The following KLF12 variants were observed in gnomAD, a reference collection of about 807,000 sequenced individuals.
KLF12 encodes Krueppel-like factor 12.
KLF12 carries 9 observed loss-of-function variants against 37.8 expected under a neutral mutation model. The observed-to-expected ratio is 0.24, with a 90% CI of 0.14 to 0.42. The LOEUF (loss-of-function observed/expected upper bound fraction) is 0.42. Among genes scored for constraint, KLF12 ranks in the 10% least tolerant of loss-of-function variants. The pLI is 1.00. For synonymous variants in KLF12, 208 were observed against 202.1 expected, an observed-to-expected ratio of 1.03 and a Z score of -0.25; for missense variants, 411 against 516.0, an observed-to-expected ratio of 0.80 and a Z score of 1.97.
chr13:73,698,161 AAAG>A (rs972855245), intron 7 of KLF12, among the ~76,000 whole-genome samples: 6 of 151,510 alleles, frequency 4.0e-5, no homozygotes, highest in Non-Finnish European at 7.4e-5. Context: ...CGAAAGAAAG[AAAG>A]AAAAGAGAGA....
chr13:74,213,573 T>C, the KLF12 span, among the ~76,000 whole-genome samples: 1 of 151,834 alleles, frequency 6.6e-6, no homozygotes, highest in Admixed American at 6.6e-5. Flanking sequence ...ACTTCCTCTT[T>C]CCCTCCTTTC....
At chr13:73,927,782 G>A (rs1889468272) in intron 3 of KLF12, among the ~76,000 whole-genome samples, 1 of 149,732 alleles carries the variant, frequency 6.7e-6, no homozygotes, top group South Asian at 2.1e-4. Context: ...TAAAGACAGG[G>A]TTTCACCGTT....
the KLF12 span, among the ~76,000 whole-genome samples, chr13:74,228,886 A>C: frequency 6.6e-6 from 1 of 151,958 alleles, no homozygotes; most frequent in Admixed American, 6.6e-5. Flanking sequence ...GAAAAAAAAA[A>C]CACACCAGAA....
chr13:74,220,391 A>C, the KLF12 span, among the ~76,000 whole-genome samples: 1 of 152,276 alleles, frequency 6.6e-6, no homozygotes, highest in East Asian at 1.9e-4. Flanking sequence ...TAAAGCAGTG[A>C]TTTTATTTAT....
intron 6 of KLF12, among the ~76,000 whole-genome samples, chr13:73,744,169 A>G (rs1878202818): frequency 6.6e-6 from 1 of 152,228 alleles, no homozygotes; most frequent in Admixed American, 6.5e-5. Context: ...ACAAATAAGA[A>G]TTCAAGTCTG....
At chr13:73,940,917 G>T (rs982671307) in intron 3 of KLF12, among the ~76,000 whole-genome samples, 3 of 152,174 alleles carry the variant, frequency 2.0e-5, no homozygotes, top group African/African-American at 7.2e-5. Flanking sequence ...GAGACATGCA[G>T]AGCCCACCTG....
chr13:74,105,756 T>C (rs989815229), intron 1 of KLF12, among the ~76,000 whole-genome samples: 1 of 152,124 alleles, frequency 6.6e-6, no homozygotes, highest in Non-Finnish European at 1.5e-5. Flanking sequence ...GTTCAAATAA[T>C]TCAACACTCA....
chr13:73,698,560 C>T (rs1162222119), intron 7 of KLF12, among the ~76,000 whole-genome samples: 1 of 152,130 alleles, frequency 6.6e-6, no homozygotes, highest in South Asian at 2.1e-4. Context: ...AAACTGCAGT[C>T]CCCACTTTTA....
intron 2 of KLF12, among the ~76,000 whole-genome samples, chr13:73,958,544 AT>A (rs895835458): frequency 7.6e-4 from 114 of 149,330 alleles, no homozygotes; most frequent in African/African-American, 2.1e-3. Context: ...TGCCCAGCCA[AT>A]TTTTTTTTTT....
chr13:74,287,183 G>T, the KLF12 span, among the ~76,000 whole-genome samples: 4 of 152,168 alleles, frequency 2.6e-5, no homozygotes, highest in East Asian at 7.7e-4. Flanking sequence ...AGGCCACTAG[G>T]TAAGGGGCTG....
At chr13:74,160,521 A>G in the KLF12 span, among the ~76,000 whole-genome samples, 1 of 152,228 alleles carries the variant, frequency 6.6e-6, no homozygotes, top group Non-Finnish European at 1.5e-5. Context: ...AGGCACTTCC[A>G]GAGGACAGAC....
At chr13:74,212,779 A>G in the KLF12 span, among the ~76,000 whole-genome samples, 1 of 152,150 alleles carries the variant, frequency 6.6e-6, no homozygotes, top group Middle Eastern at 3.2e-3. Context: ...CAATTTCACC[A>G]TTTTACTCAG....
chr13:74,249,198 T>C, the KLF12 span, among the ~76,000 whole-genome samples: 1 of 152,086 alleles, frequency 6.6e-6, no homozygotes, highest in African/African-American at 2.4e-5. Flanking sequence ...ATATCCACTT[T>C]ATAAAAAAAA....
intron 4 of KLF12, among the ~76,000 whole-genome samples, chr13:73,833,215 T>C (rs559415829): frequency 8.5e-5 from 13 of 152,202 alleles, no homozygotes; most frequent in South Asian, 6.2e-4. Context: ...ATATTTTACC[T>C]GAGAGTAAAA....
chr13:73,697,314 T>G (rs761360193), intron 7 of KLF12, among the ~76,000 whole-genome samples: 1 of 152,192 alleles, frequency 6.6e-6, no homozygotes, highest in Non-Finnish European at 1.5e-5. Flanking sequence ...CTGTTAAATC[T>G]AGAAATACTG....
At chr13:73,968,576 T>C (rs1891236791) in intron 2 of KLF12, among the ~76,000 whole-genome samples, 1 of 152,158 alleles carries the variant, frequency 6.6e-6, no homozygotes, top group African/African-American at 2.4e-5. Flanking sequence ...GCAAAATGAA[T>C]ACTCTCATCT....
At chr13:73,705,794 A>G (rs1313654319) in intron 7 of KLF12, among the ~76,000 whole-genome samples, 1 of 152,180 alleles carries the variant, frequency 6.6e-6, no homozygotes, top group Non-Finnish European at 1.5e-5. Flanking sequence ...CCCAGCTTTG[A>G]TGGATGTATG....
At chr13:73,747,227 G>T (rs1043992131) in intron 6 of KLF12, among the ~76,000 whole-genome samples, 3 of 152,116 alleles carry the variant, frequency 2.0e-5, no homozygotes, top group African/African-American at 7.2e-5. Flanking sequence ...TTCCTTACAT[G>T]CACACAATTG....
chr13:74,295,470 G>A, the KLF12 span, among the ~76,000 whole-genome samples: 1 of 152,104 alleles, frequency 6.6e-6, no homozygotes, highest in African/African-American at 2.4e-5. Context: ...GGCAGAATTT[G>A]CCACTCCTTT....
Sources: gnomAD v4.1 joint callset for allele counts (sites outside exome capture counted in the v4.1 genomes callset) on GRCh38, gnomAD v4.1.1 for gene constraint, MANE v1.5 for transcripts, NCBI Gene and HGNC (gene_info 2026-07-23, HGNC 2026-07-21) for gene names.